Variants in USP13 observed in about 807,000 individuals in gnomAD.
USP13 encodes the protein ubiquitin specific peptidase 13.
Under a neutral mutation model 107.8 loss-of-function variants are expected in USP13, and 68 were observed. The ratio of observed to expected loss-of-function variants is 0.63; its 90% confidence interval spans 0.52 to 0.77. The LOEUF is 0.77. Ranked by LOEUF, USP13 falls within the 30% of genes least tolerant of loss-of-function variation. The probability of loss-of-function intolerance (pLI) is 0.00; values close to 1 mark genes in which losing one functional copy is unlikely to be tolerated. For synonymous variants in USP13, 377 were observed against 389.5 expected (o/e 0.97, Z 0.38); for missense variants, 945 against 1,093.3 (o/e 0.86, Z 1.91).
chr3:179,720,955 T>C (rs1028890794), intron 7 of USP13, among the ~76,000 whole-genome samples: 6 of 152,082 alleles, frequency 3.9e-5, no homozygotes, highest in East Asian at 1.9e-4. Flanking sequence ...ACTAAAGGCA[T>C]GTGCCACCAC....
intron 3 of USP13, among the ~76,000 whole-genome samples, chr3:179,696,710 G>A (rs1712339830): frequency 6.6e-6 from 1 of 152,144 alleles, no homozygotes; most frequent in Non-Finnish European, 1.5e-5. Flanking sequence ...GGAGAGTTCA[G>A]CTAGAAAGGG....
chr3:179,740,809 C>T (rs1011892828), intron 11 of USP13, among the ~76,000 whole-genome samples: 6 of 151,764 alleles, frequency 4.0e-5, no homozygotes, highest in African/African-American at 1.5e-4. Flanking sequence ...CTCTGTTGCC[C>T]AGGCTAGAGT....
Position 179,721,493 on chromosome 3 carries a change from A to G in USP13, c.992A>G (p.Tyr331Cys), listed in dbSNP as rs752787493. The G allele has an allele frequency of 2.8e-5, 46 of 1,614,194 alleles. No homozygotes were observed. Among genetic ancestry groups the G allele is most frequent in the Non-Finnish European group, 3.8e-5 (45 of 1,180,030 alleles). Residue 331 changes from tyrosine (Y) to cysteine (C), a missense_variant, in exon 8 of 21, where the codon TAT (tyrosine) becomes TGT (cysteine). Tyr to Cys is a radical substitution (Grantham distance 194). Coordinates refer to ENST00000263966, the MANE Select transcript of USP13 (RefSeq NM_003940.3). The surrounding 1 kb of genome is among the most constrained non-coding windows in gnomAD (Gnocchi z 4.3). ...TCGGGCACGAAACTGAAGCCAATGT[A>G]TGGTCCTGGCTACACGGGTCTGAAG... Reference protein sequence around the residue: ...QESGTKLKPMYGPGYTGLKNL... With the variant: ...QESGTKLKPMCGPGYTGLKNL...
chr3:179,732,344 T>C (rs1713836733), intron 10 of USP13, among the ~76,000 whole-genome samples: 1 of 152,206 alleles, frequency 6.6e-6, no homozygotes, highest in Admixed American at 6.5e-5. Context: ...AAAATTGTGT[T>C]ATGATTGGAT....
At chr3:179,681,647 G>C (rs371877933) in intron 1 of USP13, among the ~76,000 whole-genome samples, 20 of 152,024 alleles carry the variant, frequency 1.3e-4, no homozygotes, top group Middle Eastern at 3.4e-3. Flanking sequence ...CTTAAGGGAG[G>C]GGGGTGAAAG....
intron 2 of USP13, among the ~76,000 whole-genome samples, chr3:179,685,293 G>A (rs187843310): frequency 2.0e-5 from 3 of 151,420 alleles, no homozygotes. Context: ...TTTATATTTA[G>A]CAATGCTGTT....
At chr3:179,764,280 C>G in intron 18 of USP13, 112 bp downstream of exon 18, 1 of 1,409,414 alleles carries the variant, frequency 7.1e-7, no homozygotes, top group South Asian at 1.8e-5. Context: ...ATGTTTGATT[C>G]ATCTAACTGT....
Position 179,660,153 on chromosome 3 carries a change from G to A in USP13, c.168+6760G>A, listed in dbSNP as rs543529009. On this transcript the variant is annotated intron_variant, in intron 1 of 20. Coordinates refer to ENST00000263966, the MANE Select transcript of USP13 (RefSeq NM_003940.3). ...CTCGTTTTAATTGTACAATTCAGTG[G>A]CATTAAATTACATTCGCATTGTTGT... Among the ~76,000 whole-genome samples the A allele has an allele frequency of 3.3e-5, 5 of 152,300 alleles. No homozygotes were observed. The South Asian group carries it at 1.0e-3, about 32-fold the overall frequency.
chr3:179,748,736 A>T (rs1317896862), intron 13 of USP13, among the ~76,000 whole-genome samples: 2 of 152,186 alleles, frequency 1.3e-5, no homozygotes, highest in African/African-American at 2.4e-5. Context: ...TTACTTACCC[A>T]TTCTCATTTA....
intron 13 of USP13, among the ~76,000 whole-genome samples, chr3:179,749,188 T>C (rs1015127755): frequency 2.0e-5 from 3 of 152,358 alleles, no homozygotes; most frequent in African/African-American, 7.2e-5. Context: ...AATAAAATCT[T>C]TATCGTATTT....
chr3:179,659,727 C>G (rs1720400623), intron 1 of USP13, among the ~76,000 whole-genome samples: 1 of 152,110 alleles, frequency 6.6e-6, no homozygotes, highest in Admixed American at 6.5e-5. Flanking sequence ...AATTGTCTGA[C>G]TCTAGAATCT....
At chr3:179,775,230 C>G (rs996154717) in intron 19 of USP13, among the ~76,000 whole-genome samples, 3 of 152,160 alleles carry the variant, frequency 2.0e-5, no homozygotes, top group Admixed American at 6.5e-5. Flanking sequence ...GGTGCATTTA[C>G]AAACCTTTAG....
chr3:179,660,729 C>T (rs1261398058), intron 1 of USP13, among the ~76,000 whole-genome samples: 1 of 152,244 alleles, frequency 6.6e-6, no homozygotes, highest in Non-Finnish European at 1.5e-5. Context: ...TTTAGGATCT[C>T]TGTGGAAAAC....
chr3:179,680,821 A>ACTTTCTT (rs1560046343), intron 1 of USP13, among the ~76,000 whole-genome samples: 2 of 147,028 alleles, frequency 1.4e-5, no homozygotes, highest in African/African-American at 2.5e-5. Context: ...GATTACAGGC[A>ACTTTCTT]TGAGTCACCG....
chr3:179,784,143 C>A lies in USP13; in HGVS notation c.*2C>A, dbSNP rs1483064204. 3 of 1,595,240 alleles carry A rather than the reference C, an allele frequency of 1.9e-6. No individual in the cohort carries two copies. The highest frequency in any genetic ancestry group is 2.6e-6 in the Non-Finnish European group (3 of 1,174,898). On this transcript the variant is annotated 3_prime_UTR_variant, in exon 21 of 21. Transcript: ENST00000263966. ...TTTTACCGCAGGATACCAAGCTAAA[C>A]CTCAAATATAAAAATTGGCGAAAAG...
chr3:179,732,418 G>T lies in USP13; in HGVS notation c.1254+1709G>T, dbSNP rs149952584. Among the ~76,000 whole-genome samples, 55 of 152,342 alleles carry T rather than the reference G, an allele frequency of 3.6e-4. No homozygotes were observed. In the East Asian group the frequency reaches 8.3e-3, roughly 23 times the overall value. ...ATGGCTCTTCTGGGGCAGGGTCCATGCTCTGTGCTGGTGGTGAAGGAGCTG... is the reference window on the plus strand; with the variant it reads ...ATGGCTCTTCTGGGGCAGGGTCCATTCTCTGTGCTGGTGGTGAAGGAGCTG... On this transcript the variant is annotated intron_variant, in intron 10 of 20. Coordinates refer to ENST00000263966, the MANE Select transcript of USP13 (RefSeq NM_003940.3).
chr3:179,700,620 A>G (rs1576935137), intron 3 of USP13, among the ~76,000 whole-genome samples: 2 of 152,118 alleles, frequency 1.3e-5, no homozygotes, highest in African/African-American at 4.8e-5. Context: ...ATTCCAGCCT[A>G]TTGTTGTGAA....
chr3:179,719,938 A>C lies in USP13; in HGVS notation c.806-2A>C. The stretch of plus-strand genomic sequence containing the variant: ...AGTGCTTATTTTCTCTTCATCCGCT[A>C]GATGTTTATTCTTTTCAAGAAGAAG... On this transcript the variant is annotated splice_acceptor_variant, in intron 6 of 20. Transcript: ENST00000263966. LOFTEE classifies it high-confidence loss of function. 6.2e-7 allele frequency: 1 copy of C among 1,612,558 alleles called. No individual in the cohort carries two copies.
Position 179,704,667 on chromosome 3 carries a change from A to G in USP13, c.478-2267A>G, listed in dbSNP as rs117807960. On this transcript the variant is annotated intron_variant, in intron 4 of 20. Transcript: ENST00000263966. Reference sequence around the variant, plus strand: ...AGGGGCTTGTGGTGAACTCAGCTCTATTTTCTATGGGCATTTCTGGAAGGT... The same window carrying G: ...AGGGGCTTGTGGTGAACTCAGCTCTGTTTTCTATGGGCATTTCTGGAAGGT... Among the ~76,000 whole-genome samples the G allele has an allele frequency of 4.3e-4, 66 of 152,204 alleles. No individual in the cohort carries two copies. In the East Asian group the frequency reaches 0.012, roughly 27 times the overall value.
Sources: allele counts gnomAD v4.1 joint callset (sites outside exome capture counted in the v4.1 genomes callset), GRCh38; gene constraint gnomAD v4.1.1; non-coding constraint Gnocchi (gnomAD v3.1); transcripts MANE v1.5; gene names NCBI Gene and HGNC (gene_info 2026-07-23, HGNC 2026-07-21).